The following MYCBP2 variants were observed in gnomAD, a reference collection of about 807,000 sequenced individuals.
MYCBP2 encodes MYC binding protein 2.
MYCBP2 carries 120 observed loss-of-function variants against 525.3 expected under a neutral mutation model. That is an observed-to-expected ratio of 0.23 (90% CI 0.20 to 0.27). The LOEUF is 0.27. MYCBP2 is among the 10% of genes least tolerant of loss of function. The pLI is 1.00. For synonymous variants in MYCBP2, 1,894 were observed against 1,955.8 expected (o/e 0.97, Z 0.83); for missense variants, 4,149 against 5,657.1 (o/e 0.73, Z 8.55).
At chr13:77,141,527 T>C (rs988886507) in intron 49 of MYCBP2, among the ~76,000 whole-genome samples, 6 of 152,084 alleles carry the variant, frequency 3.9e-5, no homozygotes, top group Non-Finnish European at 8.8e-5. Context: ...TCCCAGCACT[T>C]TGGGAGGCCG....
chr13:77,204,840 T>C lies in MYCBP2; in HGVS notation c.3843+416A>G, dbSNP rs1052267521. On this transcript the variant is annotated intron_variant, in intron 26 of 82. Transcript: ENST00000544440. The stretch of plus-strand genomic sequence containing the variant: ...GCATATTCTCACTCATAGGTGGGAA[T>C]TGAACAATGAGAACACATGGACACA... 2.2e-4 allele frequency among the ~76,000 whole-genome samples: 29 copies of C among 129,700 alleles called. No individual in the cohort carries two copies. In the East Asian group the frequency reaches 3.6e-3, roughly 16 times the overall value. The allele number at this position is 129,700 out of a possible 152,430, so 85.1% of individuals were successfully genotyped here. A position where few individuals can be genotyped will look rare whatever the true frequency, so the allele number is the denominator to read the frequency against.
chr13:77,136,011 T>C (rs770299189), intron 52 of MYCBP2, among the ~76,000 whole-genome samples: 2 of 152,118 alleles, frequency 1.3e-5, no homozygotes, highest in Non-Finnish European at 1.5e-5. Context: ...AATTTTTGTA[T>C]TTTTAGTAGA....
chr13:77,158,093 G>C lies in MYCBP2; in HGVS notation c.6614C>G (p.Ser2205Cys). The C allele has an allele frequency of 6.3e-7, 1 of 1,593,734 alleles. No homozygotes were observed. Among genetic ancestry groups the C allele is most frequent in the South Asian group, 1.2e-5 (1 of 85,732 alleles). ...EAALQVCKTH[S>C]GILGKGLALS... Reference sequence around the variant, plus strand: ...AGCTAGACCCTTTCCAAGAATTCCAGAATGGGTTTTGCACACCTGTTAAGT... The same window carrying C: ...AGCTAGACCCTTTCCAAGAATTCCACAATGGGTTTTGCACACCTGTTAAGT... The change falls in exon 45 of 83, where the codon TCT (serine) becomes TGT (cysteine). Residue 2205 changes from serine to cysteine, a missense_variant. Physicochemically the swap from Ser to Cys is moderately radical, Grantham distance 112. Transcript: ENST00000544440.
At chr13:77,196,562 A>G (rs909628596) in intron 26 of MYCBP2, among the ~76,000 whole-genome samples, 2 of 152,192 alleles carry the variant, frequency 1.3e-5, no homozygotes, top group Non-Finnish European at 2.9e-5. Flanking sequence ...TTTATTTTGA[A>G]AGTGGAAACG....
chr13:77,274,790 T>G (rs2075329415), intron 4 of MYCBP2, among the ~76,000 whole-genome samples: 1 of 152,214 alleles, frequency 6.6e-6, no homozygotes, highest in Non-Finnish European at 1.5e-5. Context: ...AGGGAGAATT[T>G]CAAACCAAAA....
At chr13:77,307,643 A>C (rs190595009) in intron 1 of MYCBP2, among the ~76,000 whole-genome samples, 4,006 of 149,998 alleles carry the variant, frequency 0.027, 231 homozygotes, top group African/African-American at 0.092. Flanking sequence ...AAAAAAAAAA[A>C]AAAAAAAAAA....
chr13:77,226,713 T>C (rs2066329754), intron 18 of MYCBP2, among the ~76,000 whole-genome samples: 2 of 152,184 alleles, frequency 1.3e-5, no homozygotes. Context: ...AACATCCAGG[T>C]GAGACAAAAT....
At chr13:77,221,033 T>C (rs1210508847) in intron 20 of MYCBP2, among the ~76,000 whole-genome samples, 1 of 152,124 alleles carries the variant, frequency 6.6e-6, no homozygotes, top group Non-Finnish European at 1.5e-5. Flanking sequence ...TCTTAAGAAA[T>C]TATAGTCATA....
chr13:77,135,774 A>T (rs1403757061), intron 52 of MYCBP2, among the ~76,000 whole-genome samples: 1 of 151,698 alleles, frequency 6.6e-6, no homozygotes, highest in Non-Finnish European at 1.5e-5. Context: ...CCATCCCCCC[A>T]TGACTTTAAA....
chr13:77,155,368 A>C (rs960038901), intron 46 of MYCBP2, among the ~76,000 whole-genome samples: 1 of 152,194 alleles, frequency 6.6e-6, no homozygotes, highest in African/African-American at 2.4e-5. Flanking sequence ...CAAACAACCA[A>C]TCACTCTATA....
rs769308224 is a variant in MYCBP2, at chr13:77,098,449, T to C, written c.8705A>G (p.Lys2902Arg). The change falls in exon 56 of 83, where the codon AAA becomes AGA. Residue 2902 changes from lysine to arginine, a missense_variant. This residue lies in a region of MYCBP2 where 653 missense variants were observed against 744.7 expected (regional missense o/e 0.88). Coordinates refer to ENST00000544440, the MANE Select transcript of MYCBP2 (RefSeq NM_015057.5). ...LRGRSTSPKPKSVPKDSTDSP... is the reference protein window; with the variant it reads ...LRGRSTSPKPRSVPKDSTDSP... The stretch of plus-strand genomic sequence containing the variant: ...ATCTGTAGAATCCTTTGGTACTGAT[T>C]TTGGTTTTGGTGACGTTGACCGTCC... The C allele has an allele frequency of 2.5e-6, 4 of 1,613,454 alleles. No homozygotes were observed. The African/African-American group carries it at 5.3e-5, about 22-fold the overall frequency.
intron 43 of MYCBP2, among the ~76,000 whole-genome samples, chr13:77,163,314 T>C (rs2058161908): frequency 6.6e-6 from 1 of 152,068 alleles, no homozygotes; most frequent in Non-Finnish European, 1.5e-5. Flanking sequence ...GTGGCTAGAA[T>C]ACAAGGTCTC....
intron 82 of MYCBP2, among the ~76,000 whole-genome samples, chr13:77,049,298 A>G (rs1190339150): frequency 6.6e-6 from 1 of 152,208 alleles, no homozygotes; most frequent in African/African-American, 2.4e-5. Context: ...CTTCTATTAA[A>G]AAAAAACAGT....
At chr13:77,090,324 C>T in intron 59 of MYCBP2, 61 bp from the exon 60 acceptor site, 1 of 1,394,192 alleles carries the variant, frequency 7.2e-7, no homozygotes, top group Non-Finnish European at 9.6e-7. Flanking sequence ...TGTAACTATA[C>T]TTATAATGAT....
At chr13:77,139,649 CTTATAT>C (rs1328528418) in intron 51 of MYCBP2, among the ~76,000 whole-genome samples, 1 of 152,106 alleles carries the variant, frequency 6.6e-6, no homozygotes, top group Non-Finnish European at 1.5e-5. Context: ...TCTTCCTTCC[CTTATAT>C]TTATATTTTA....
At position 77,225,460 on chromosome 13, in the gene MYCBP2, T is replaced by A; in HGVS notation, c.2832A>T (p.Gln944His). 1.9e-6 allele frequency: 3 copies of A among 1,613,728 alleles called. No individual in the cohort carries two copies. The highest frequency in any genetic ancestry group is 2.5e-6 in the Non-Finnish European group (3 of 1,179,744). Reference sequence around the variant, plus strand: ...CTGAATGGTGAAATCCACAGCTGACTTGGACTGCCCGGAGCTCACAGTCAA... The same window carrying A: ...CTGAATGGTGAAATCCACAGCTGACATGGACTGCCCGGAGCTCACAGTCAA... ...VRFDCELRAV[Q>H]VSCGFHHSVV... The change falls in exon 19 of 83, where the codon CAA (glutamine) becomes CAT (histidine). Residue 944 changes from glutamine (Q) to histidine (H), a missense_variant. By Grantham distance (24) the Gln-to-His change is conservative. Around this residue, in one of 21 missense-constraint regions of MYCBP2, gnomAD observed 620 missense variants for 795.5 expected, o/e 0.78. Transcript: ENST00000544440.
intron 23 of MYCBP2, among the ~76,000 whole-genome samples, chr13:77,210,337 T>C (rs143411857): frequency 0.018 from 2,676 of 151,516 alleles, 41 homozygotes; most frequent in South Asian, 0.049. Context: ...GGATTACAGG[T>C]GCCCGCCACC....
intron 55 of MYCBP2, among the ~76,000 whole-genome samples, chr13:77,110,827 T>C (rs1268938182): frequency 6.6e-6 from 1 of 152,210 alleles, no homozygotes; most frequent in Non-Finnish European, 1.5e-5. Context: ...GTTCAAGTCC[T>C]AGATTTGCCA....
rs562126153 is a variant in MYCBP2 at position 77,150,595 on chromosome 13, A to G, written c.7131+139T>C. 53 of 686,840 alleles carry G rather than the reference A, an allele frequency of 7.7e-5. No homozygotes were observed. The African/African-American group carries it at 8.3e-4, about 11-fold the overall frequency. The allele number at this position is 686,840 out of a possible 1,614,324, so 42.5% of individuals were successfully genotyped here. On this transcript the variant is annotated intron_variant, in intron 47 of 82. Coordinates refer to ENST00000544440, the MANE Select transcript of MYCBP2 (RefSeq NM_015057.5). ...CTGAAGACAGGATAACATCATCTTA[A>G]TAAGTGTTGCTGCAAATTTAATATC... is the stretch of plus-strand genomic sequence containing the variant.
Sources: allele counts gnomAD v4.1 joint callset (sites outside exome capture counted in the v4.1 genomes callset), GRCh38; gene constraint gnomAD v4.1.1; regional missense constraint gnomAD v4.1.1; transcripts MANE v1.5; gene names NCBI Gene and HGNC (gene_info 2026-07-23, HGNC 2026-07-21).